The following TSPEAR variants were observed in gnomAD, a reference collection of about 807,000 sequenced individuals.
The protein encoded by TSPEAR is thrombospondin-type laminin G domain and EAR repeat-containing protein.
A neutral mutation model predicts 71.6 loss-of-function variants in TSPEAR; 69 were observed. The observed-to-expected ratio is 0.96, with a 90% CI of 0.79 to 1.18. TSPEAR has a LOEUF of 1.18. Ranked by LOEUF, TSPEAR falls within the 50% of genes most tolerant of loss-of-function variation. The pLI, the probability that TSPEAR is intolerant of heterozygous loss-of-function variation, is 0.00. For missense variants in TSPEAR, 971 were observed against 894.9 expected, an observed-to-expected ratio of 1.09 and a Z score of -1.09; for synonymous variants, 402 against 387.2, an observed-to-expected ratio of 1.04 and a Z score of -0.45.
intron 1 of TSPEAR, among the ~76,000 whole-genome samples, chr21:44,613,703 C>T (rs1796352417): frequency 6.6e-6 from 1 of 152,092 alleles, no homozygotes; most frequent in African/African-American, 2.4e-5. Flanking sequence ...GGTGGAGGGA[C>T]ACACAGGATT....
intron 1 of TSPEAR, chr21:44,637,327 AG>A: frequency 6.6e-7 from 1 of 1,504,204 alleles, no homozygotes; most frequent in East Asian, 2.3e-5. Flanking sequence ...GGCATATAAA[AG>A]CCCCAGCAGC....
chr21:44,613,856 G>A (rs903338538), intron 1 of TSPEAR, among the ~76,000 whole-genome samples: 11 of 152,078 alleles, frequency 7.2e-5, no homozygotes, highest in African/African-American at 2.7e-4. Context: ...GTTTAGGTGC[G>A]CGACTTATGA....
intron 1 of TSPEAR, among the ~76,000 whole-genome samples, chr21:44,626,889 C>A (rs1226603135): frequency 1.3e-5 from 2 of 152,072 alleles, no homozygotes; most frequent in Non-Finnish European, 2.9e-5. Flanking sequence ...TCAGGCCCAC[C>A]CCAACTCCTG....
chr21:44,507,874 C>T (rs1417590593), intron 10 of TSPEAR, among the ~76,000 whole-genome samples: 3 of 151,600 alleles, frequency 2.0e-5, no homozygotes, highest in South Asian at 2.1e-4. Context: ...TGCCAGGCCA[C>T]GCAGGGGCCA....
intron 2 of TSPEAR, among the ~76,000 whole-genome samples, chr21:44,535,597 CT>C (rs1438595829): frequency 2.0e-5 from 3 of 152,222 alleles, no homozygotes; most frequent in South Asian, 2.1e-4. Context: ...TACACTGCGA[CT>C]GCCTGCAGTA....
chr21:44,527,583 C>T (rs1054224272), intron 6 of TSPEAR, 65 bp from the exon 7 acceptor site: 94 of 1,523,456 alleles, frequency 6.2e-5, no homozygotes, highest in African/African-American at 6.0e-4. Context: ...GCAATCCTCG[C>T]GGGAGCGCGA....
intron 1 of TSPEAR, among the ~76,000 whole-genome samples, chr21:44,605,065 C>T (rs1338358256): frequency 1.3e-5 from 2 of 152,276 alleles, no homozygotes; most frequent in African/African-American, 2.4e-5. Context: ...AAAGACTCTA[C>T]CTGTTAGTCT....
At chr21:44,509,990 C>G (rs2052322740) in intron 9 of TSPEAR, 1 of 153,174 alleles carries the variant, frequency 6.5e-6, no homozygotes, top group Non-Finnish European at 1.5e-5. Context: ...AGTCTTTCCT[C>G]TGGCTCTGTA....
intron 1 of TSPEAR, among the ~76,000 whole-genome samples, chr21:44,674,153 A>G (rs1369022206): frequency 6.6e-6 from 1 of 151,774 alleles, no homozygotes; most frequent in East Asian, 1.9e-4. Context: ...TCAAATAAAC[A>G]ATCCAATGAT....
Position 44,528,588 on chromosome 21 carries a change from G to A in TSPEAR, c.791-5C>T. On this transcript the variant is annotated splice_region_variant and splice_polypyrimidine_tract_variant and intron_variant, in intron 5 of 11. Coordinates refer to ENST00000323084, the MANE Select transcript of TSPEAR (RefSeq NM_144991.3). ...GCGTCACTCGAATGTTGGTTTCTGA[G>A]GGGAAGACCAGGAAGATGAGTTTCC... The A allele has an allele frequency of 6.2e-7, 1 of 1,613,312 alleles. No homozygotes were observed. Among genetic ancestry groups the A allele is most frequent in the Non-Finnish European group, 8.5e-7 (1 of 1,179,692 alleles).
chr21:44,654,719 C>T (rs1985034060), intron 1 of TSPEAR: 1 of 738,484 alleles, frequency 1.4e-6, no homozygotes, highest in East Asian at 2.7e-5. Context: ...GCAACAAGCC[C>T]CCTGGCATCT....
chr21:44,645,587 C>T (rs994244833), intron 1 of TSPEAR, among the ~76,000 whole-genome samples: 4 of 151,856 alleles, frequency 2.6e-5, no homozygotes, highest in Non-Finnish European at 5.9e-5. Flanking sequence ...CTCCTGACCT[C>T]GTGATCCACC....
intron 2 of TSPEAR, among the ~76,000 whole-genome samples, chr21:44,547,568 T>C (rs2053321601): frequency 6.6e-6 from 1 of 152,226 alleles, no homozygotes; most frequent in South Asian, 2.1e-4. Flanking sequence ...TTTTTGCTTG[T>C]TTATGTCAAG....
At chr21:44,551,864 G>C (rs1381114245) in intron 2 of TSPEAR, among the ~76,000 whole-genome samples, 3 of 152,158 alleles carry the variant, frequency 2.0e-5, no homozygotes, top group South Asian at 4.1e-4. Flanking sequence ...CCCAGCCTCT[G>C]TCTGCAGGGA....
At chr21:44,589,657 C>T (rs1555926146) in intron 1 of TSPEAR, among the ~76,000 whole-genome samples, 5 of 152,210 alleles carry the variant, frequency 3.3e-5, no homozygotes, top group Non-Finnish European at 5.9e-5. Flanking sequence ...TGAGACCCCC[C>T]CACCAGGAGA....
intron 1 of TSPEAR, chr21:44,681,776 G>A: frequency 6.4e-7 from 1 of 1,555,506 alleles, no homozygotes; most frequent in Non-Finnish European, 8.7e-7. Context: ...ACTCATCCAG[G>A]GAGTGTACAG....
At chr21:44,551,881 A>G (rs1314889983) in intron 2 of TSPEAR, among the ~76,000 whole-genome samples, 3 of 152,112 alleles carry the variant, frequency 2.0e-5, no homozygotes, top group Non-Finnish European at 2.9e-5. Context: ...GGGACCTCAC[A>G]GGGTGGGCTG....
At chr21:44,701,675 G>C (rs1817487588) in intron 1 of TSPEAR, among the ~76,000 whole-genome samples, 1 of 151,888 alleles carries the variant, frequency 6.6e-6, no homozygotes, top group Non-Finnish European at 1.5e-5. Context: ...GTCCTCTGAG[G>C]ATCCAGTGCT....
At chr21:44,594,980 C>A (rs1555927450) in intron 1 of TSPEAR, among the ~76,000 whole-genome samples, 1 of 152,018 alleles carries the variant, frequency 6.6e-6, no homozygotes, top group African/African-American at 2.4e-5. Flanking sequence ...AGCCACCATG[C>A]CTGGCTAATT....
Sources: allele counts gnomAD v4.1 joint callset (sites outside exome capture counted in the v4.1 genomes callset), GRCh38; gene constraint gnomAD v4.1.1; transcripts MANE v1.5; gene names NCBI Gene and HGNC (gene_info 2026-07-23, HGNC 2026-07-21).